The following MAST4 variants were observed in gnomAD, a reference collection of about 807,000 sequenced individuals.
MAST4 encodes the protein microtubule-associated serine/threonine-protein kinase 4.
In MAST4, 89 loss-of-function variants were observed where a neutral mutation model predicts 162.7. The observed-to-expected ratio is 0.55, with a 90% CI of 0.46 to 0.65. MAST4 has a LOEUF of 0.65. Among genes scored for constraint, MAST4 ranks in the 30% least tolerant of loss-of-function variants. MAST4 has a pLI of 0.00. For missense variants in MAST4, 3,153 were observed against 3,374.0 expected, an observed-to-expected ratio of 0.93 and a Z score of 1.62; for synonymous variants, 1,479 against 1,361.1, an observed-to-expected ratio of 1.09 and a Z score of -1.91.
At chr5:67,078,921 T>TATATAATATATATATATATATATA (rs1561622192) in intron 5 of MAST4, among the ~76,000 whole-genome samples, 1 of 73,330 alleles carries the variant, frequency 1.4e-5, no homozygotes, top group African/African-American at 7.8e-5. Flanking sequence ...AATATATATA[T>TATATAATATATATATATATATATA]ATATATATAT....
At chr5:66,675,452 C>T (rs1400437366) in intron 1 of MAST4, among the ~76,000 whole-genome samples, 1 of 152,156 alleles carries the variant, frequency 6.6e-6, no homozygotes, top group Non-Finnish European at 1.5e-5. Context: ...TAGGATTTCT[C>T]AGGAAATGGT....
chr5:66,679,981 C>T (rs1397432326), intron 1 of MAST4, among the ~76,000 whole-genome samples: 1 of 152,186 alleles, frequency 6.6e-6, no homozygotes, highest in Non-Finnish European at 1.5e-5. Context: ...AACTTACAAA[C>T]TCTCTGCATG....
chr5:67,086,431 G>C (rs1246066307), intron 5 of MAST4, among the ~76,000 whole-genome samples: 2 of 152,148 alleles, frequency 1.3e-5, no homozygotes, highest in African/African-American at 4.8e-5. Flanking sequence ...CTAAAATGAG[G>C]CACCCTGTGT....
chr5:67,101,385 A>G (rs1211719163), intron 8 of MAST4, among the ~76,000 whole-genome samples: 4 of 152,188 alleles, frequency 2.6e-5, no homozygotes, highest in Non-Finnish European at 5.9e-5. Context: ...ACCCTGGGAA[A>G]GACTCAGCCT....
intron 3 of MAST4, among the ~76,000 whole-genome samples, chr5:66,823,885 A>T (rs573970302): frequency 1.3e-5 from 2 of 152,142 alleles, no homozygotes; most frequent in African/African-American, 4.8e-5. Context: ...CTAATCTCAC[A>T]GCTGTGTTGC....
In MAST4 at chr5:67,165,684, A is replaced by C; in HGVS notation, c.6505A>C (p.Thr2169Pro). Residue 2169 changes from threonine (T) to proline (P), a missense_variant, in exon 29 of 29, where the codon ACT (threonine) becomes CCT (proline). Around this residue, in one of 7 missense-constraint regions of MAST4, gnomAD observed 1,644 missense variants for 1,495.0 expected, o/e 1.10. Coordinates refer to ENST00000403625, the MANE Select transcript of MAST4 (RefSeq NM_001164664.2). ...SGREPGAKPS[T>P]AEPSSSPQDP... ...CAGAGAGCCGGGGGCCAAGCCCAGC[A>C]CTGCAGAGCCCAGCTCGAGCCCCCA... 1 of 1,589,268 alleles carries C rather than the reference A, an allele frequency of 6.3e-7. No individual in the cohort carries two copies. The highest frequency in any genetic ancestry group is 1.1e-5 in the South Asian group (1 of 87,868).
At chr5:67,017,918 A>C (rs1433405662) in intron 4 of MAST4, among the ~76,000 whole-genome samples, 2 of 152,140 alleles carry the variant, frequency 1.3e-5, no homozygotes, top group Admixed American at 6.5e-5. Flanking sequence ...TTACCTCAAA[A>C]AATTTTACAT....
At chr5:67,000,001 C>G (rs984886012) in intron 4 of MAST4, among the ~76,000 whole-genome samples, 2 of 152,204 alleles carry the variant, frequency 1.3e-5, no homozygotes, top group East Asian at 1.9e-4. Context: ...CTTCCCATTT[C>G]TGTCCCAGTA....
At chr5:66,631,393 A>G (rs979136387) in intron 1 of MAST4, among the ~76,000 whole-genome samples, 4 of 152,106 alleles carry the variant, frequency 2.6e-5, no homozygotes, top group Admixed American at 6.6e-5. Context: ...TGGAGTTTCT[A>G]TGTTTTGTGT....
At chr5:66,636,719 G>T (rs1483308375) in intron 1 of MAST4, among the ~76,000 whole-genome samples, 1 of 152,108 alleles carries the variant, frequency 6.6e-6, no homozygotes, top group African/African-American at 2.4e-5. Flanking sequence ...GTTTTCTATG[G>T]CACAAATGGC....
chr5:66,783,021 A>T (rs970234435), intron 2 of MAST4, among the ~76,000 whole-genome samples: 2 of 152,146 alleles, frequency 1.3e-5, no homozygotes, highest in African/African-American at 4.8e-5. Flanking sequence ...TCTTTTCTCT[A>T]TTAACACTAA....
intron 3 of MAST4, among the ~76,000 whole-genome samples, chr5:66,809,633 A>C (rs973143188): frequency 3.3e-5 from 5 of 152,260 alleles, no homozygotes; most frequent in African/African-American, 9.6e-5. Flanking sequence ...ACAGAAAGGT[A>C]TAAAATAAAA....
intron 7 of MAST4, among the ~76,000 whole-genome samples, chr5:67,097,036 ATTG>A (rs1315690008): frequency 2.0e-5 from 3 of 152,032 alleles, no homozygotes; most frequent in Non-Finnish European, 4.4e-5. Flanking sequence ...TTAACTCCAA[ATTG>A]TTTTTTTTAT....
chr5:66,788,589 A>ACCC, intron 2 of MAST4, 81 bp from the exon 3 acceptor site: 2 of 738,450 alleles, frequency 2.7e-6, no homozygotes, highest in Non-Finnish European at 2.3e-6. Flanking sequence ...CCAGGAAGAG[A>ACCC]CACCCCACCC....
At chr5:66,777,963 G>A (rs1290380777) in intron 2 of MAST4, among the ~76,000 whole-genome samples, 2 of 152,066 alleles carry the variant, frequency 1.3e-5, no homozygotes, top group Non-Finnish European at 2.9e-5. Context: ...ATTTCCCAGG[G>A]GGGTTAGACA....
At chr5:66,788,556 G>A in intron 2 of MAST4, 114 bp from the exon 3 acceptor site, 7 of 1,287,258 alleles carry the variant, frequency 5.4e-6, no homozygotes, top group Non-Finnish European at 7.6e-6. Context: ...GGGTATGGCA[G>A]AAGTAATACA....
At chr5:66,875,349 A>G (rs948247125) in intron 3 of MAST4, among the ~76,000 whole-genome samples, 6 of 152,180 alleles carry the variant, frequency 3.9e-5, no homozygotes, top group Admixed American at 2.0e-4. Flanking sequence ...GAGGCAGCTT[A>G]TAGTTTTTTT....
chr5:67,130,588 G>T (rs1017472212), intron 15 of MAST4, among the ~76,000 whole-genome samples, 170 bp downstream of exon 15: 1 of 152,256 alleles, frequency 6.6e-6, no homozygotes, highest in East Asian at 1.9e-4. Context: ...TGCTTGTAAA[G>T]TGCCTGCTCT....
intron 3 of MAST4, among the ~76,000 whole-genome samples, chr5:66,876,102 G>A (rs895633915): frequency 7.9e-5 from 12 of 152,126 alleles, no homozygotes; most frequent in Admixed American, 3.9e-4. Flanking sequence ...AATGCTTATC[G>A]TACACTCAGC....
Sources: allele counts gnomAD v4.1 joint callset (sites outside exome capture counted in the v4.1 genomes callset), GRCh38; gene constraint gnomAD v4.1.1; regional missense constraint gnomAD v4.1.1; transcripts MANE v1.5; gene names NCBI Gene and HGNC (gene_info 2026-07-23, HGNC 2026-07-21).